Variants in NAALADL2 observed in about 807,000 individuals in gnomAD.
NAALADL2 encodes the protein N-acetylated alpha-linked acidic dipeptidase like 2, also known as inactive N-acetylated-alpha-linked acidic dipeptidase-like protein 2.
In NAALADL2, 76 loss-of-function variants were observed where a neutral mutation model predicts 87.2. The ratio of observed to expected loss-of-function variants is 0.87; its 90% confidence interval spans 0.72 to 1.05. The LOEUF is 1.05. Ranked by LOEUF, NAALADL2 falls within the 50% of genes least tolerant of loss-of-function variation. The probability of loss-of-function intolerance (pLI) is 0.00; values close to 1 mark genes in which losing one functional copy is unlikely to be tolerated. For synonymous variants in NAALADL2, 354 were observed against 331.0 expected (o/e 1.07, Z -0.75); for missense variants, 1,089 against 945.8 (o/e 1.15, Z -1.99).
At chr3:175,029,220 A>G (rs1279854449) in intron 1 of NAALADL2, among the ~76,000 whole-genome samples, 2 of 152,048 alleles carry the variant, frequency 1.3e-5, no homozygotes, top group Non-Finnish European at 2.9e-5. Flanking sequence ...TTTATACTTC[A>G]GCTTTCCTGA....
intron 5 of NAALADL2, among the ~76,000 whole-genome samples, chr3:175,384,233 T>C (rs1386822305): frequency 6.6e-6 from 1 of 152,044 alleles, no homozygotes; most frequent in Non-Finnish European, 1.5e-5. Flanking sequence ...AATATTCCTA[T>C]TGTCTGCATT....
At chr3:174,692,335 G>T (rs961221158) in intron 2 of NAALADL2, among the ~76,000 whole-genome samples, 18 of 152,112 alleles carry the variant, frequency 1.2e-4, no homozygotes, top group Admixed American at 1.0e-3. Flanking sequence ...TAAATTTTTG[G>T]ATCACGCATA....
chr3:175,225,758 C>A (rs569145468), intron 2 of NAALADL2, among the ~76,000 whole-genome samples: 1 of 151,972 alleles, frequency 6.6e-6, no homozygotes, highest in Non-Finnish European at 1.5e-5. Flanking sequence ...TTTGAAGACT[C>A]GTATTGTCTT....
intron 1 of NAALADL2, among the ~76,000 whole-genome samples, chr3:174,947,866 T>TATAATTATTA: frequency 6.6e-6 from 1 of 152,240 alleles, no homozygotes; most frequent in Admixed American, 6.5e-5. Context: ...CTGAGCTTTA[T>TATAATTATTA]TTTCTAATAA....
intron 4 of NAALADL2, among the ~76,000 whole-genome samples, chr3:175,315,923 T>G (rs1759085099): frequency 6.6e-6 from 1 of 152,136 alleles, no homozygotes; most frequent in Non-Finnish European, 1.5e-5. Flanking sequence ...TCCTCACCAA[T>G]AGTTTAGAAG....
chr3:175,072,547 CA>C (rs1559989060), intron 1 of NAALADL2, among the ~76,000 whole-genome samples: 1 of 151,406 alleles, frequency 6.6e-6, no homozygotes, highest in African/African-American at 2.4e-5. Flanking sequence ...GTTACCTCTG[CA>C]ACTTAAAATG....
intron 1 of NAALADL2, among the ~76,000 whole-genome samples, chr3:174,966,743 G>C (rs973354615): frequency 6.6e-6 from 1 of 152,158 alleles, no homozygotes; most frequent in African/African-American, 2.4e-5. Flanking sequence ...GAATGTTTAA[G>C]TTTGAGGTCT....
Position 175,470,296 on chromosome 3 carries a change from G to T in NAALADL2, c.1534-1343G>T, listed in dbSNP as rs530349095. 7.9e-5 allele frequency among the ~76,000 whole-genome samples: 12 copies of T among 152,116 alleles called. No homozygotes were observed. The East Asian group carries it at 2.3e-3, about 29-fold the overall frequency. ...CTTCTATTATATATTGTGTGGCATG[G>T]TGAATATACTTAGTAATAGAGTATG... On this transcript the variant is annotated intron_variant, in intron 8 of 13. Transcript: ENST00000454872.
In NAALADL2 at chr3:174,696,477, T is replaced by C. The variant is rs149707886; in HGVS notation, c.-114-41164T>C. Among the ~76,000 whole-genome samples the C allele has an allele frequency of 3.8e-3, 574 of 151,858 alleles. 3 individuals carry two copies. Among genetic ancestry groups the C allele is most frequent in the African/African-American group, 0.013 (540 of 41,458 alleles). The stretch of plus-strand genomic sequence containing the variant: ...ATTATCAGTTTAATTTTCAAGTACC[T>C]ATGGTTAAAAACATTCTTGACTGAT... On this transcript the variant is annotated intron_variant, in intron 2 of 3. Coordinates refer to the NAALADL2 transcript ENST00000434257.
At chr3:174,869,857 G>A (rs1220009043) in intron 1 of NAALADL2, among the ~76,000 whole-genome samples, 10 of 151,954 alleles carry the variant, frequency 6.6e-5, no homozygotes, top group East Asian at 1.9e-4. Context: ...TTAGCTGGGC[G>A]TGGTGGCTCG....
In NAALADL2 at chr3:175,179,134, TCCTA is replaced by T. The variant is rs370740509; in HGVS notation, c.546-54796_546-54793del. ...TGATCCACGAGAAGTTATTTTACTT[TCCTA>T]ACTGCTCCTAACACAAAATATACTT... On this transcript the variant is annotated intron_variant, in intron 2 of 13. Transcript: ENST00000454872. Among the ~76,000 whole-genome samples the T allele has an allele frequency of 9.9e-5, 15 of 152,166 alleles. No individual in the cohort carries two copies. In the East Asian group the frequency reaches 2.7e-3, roughly 27 times the overall value.
chr3:174,755,668 A>G (rs1711952185), intron 3 of NAALADL2, among the ~76,000 whole-genome samples: 1 of 152,180 alleles, frequency 6.6e-6, no homozygotes, highest in Non-Finnish European at 1.5e-5. Flanking sequence ...CTTTCCCAAA[A>G]CTATTAGAAT....
At chr3:175,152,249 T>A (rs190204205) in intron 2 of NAALADL2, among the ~76,000 whole-genome samples, 6 of 152,262 alleles carry the variant, frequency 3.9e-5, no homozygotes, top group Admixed American at 3.9e-4. Flanking sequence ...ATAGCAACAT[T>A]CCGTTGTGTT....
At chr3:175,134,735 A>G (rs1469066206) in intron 2 of NAALADL2, among the ~76,000 whole-genome samples, 1 of 152,116 alleles carries the variant, frequency 6.6e-6, no homozygotes, top group Non-Finnish European at 1.5e-5. Context: ...AATAACTTAA[A>G]ATTCAAGACT....
intron 9 of NAALADL2, among the ~76,000 whole-genome samples, chr3:175,484,922 G>C (rs1304674687): frequency 6.6e-6 from 1 of 152,130 alleles, no homozygotes; most frequent in Non-Finnish European, 1.5e-5. Flanking sequence ...GTGTACACTA[G>C]TTTTTAGTGG....
At chr3:175,268,798 CT>C (rs1466034511) in intron 4 of NAALADL2, among the ~76,000 whole-genome samples, 1 of 152,132 alleles carries the variant, frequency 6.6e-6, no homozygotes, top group Non-Finnish European at 1.5e-5. Context: ...GTATCACTGT[CT>C]TCCACCTCCA....
intron 1 of NAALADL2, among the ~76,000 whole-genome samples, chr3:174,936,589 C>T (rs1579615877): frequency 6.6e-6 from 1 of 152,008 alleles, no homozygotes; most frequent in Non-Finnish European, 1.5e-5. Context: ...GAAGATAAGC[C>T]ATTATTAGGA....
chr3:175,087,936 T>G (rs964147857), intron 1 of NAALADL2, among the ~76,000 whole-genome samples: 1 of 151,650 alleles, frequency 6.6e-6, no homozygotes. Flanking sequence ...AATCTTGACT[T>G]TGTCATCAGT....
chr3:175,384,970 T>A lies in NAALADL2; in HGVS notation c.1090+60645T>A, dbSNP rs982980699. 2.0e-5 allele frequency among the ~76,000 whole-genome samples: 3 copies of A among 152,220 alleles called. No individual in the cohort carries two copies. In the East Asian group the frequency reaches 5.8e-4, roughly 29 times the overall value. On this transcript the variant is annotated intron_variant, in intron 5 of 13. Transcript: ENST00000454872. Reference sequence around the variant, plus strand: ...ACTCTTGGGCCTTATTTAGGTCATGTTGAACAGACTTCGGCCAAGGACAGA... The same window carrying A: ...ACTCTTGGGCCTTATTTAGGTCATGATGAACAGACTTCGGCCAAGGACAGA...
Sources: allele counts gnomAD v4.1 joint callset (sites outside exome capture counted in the v4.1 genomes callset), GRCh38; gene constraint gnomAD v4.1.1; transcripts MANE v1.5; gene names NCBI Gene and HGNC (gene_info 2026-07-23, HGNC 2026-07-21).